Variants in GRK5 observed in about 807,000 individuals in gnomAD.
GRK5 encodes the protein g protein-coupled receptor kinase GRK5.
Under a neutral mutation model 78.4 loss-of-function variants are expected in GRK5, and 40 were observed. That is an observed-to-expected ratio of 0.51 (90% CI 0.40 to 0.66). The LOEUF (loss-of-function observed/expected upper bound fraction) is 0.66, where lower values mean the gene tolerates loss of function less well. Ranked by LOEUF, GRK5 falls within the 30% of genes least tolerant of loss-of-function variation. The probability of loss-of-function intolerance (pLI) is 0.00; values close to 1 mark genes in which losing one functional copy is unlikely to be tolerated. For synonymous variants in GRK5, 289 were observed against 296.8 expected (o/e 0.97, Z 0.27); for missense variants, 598 against 759.9 (o/e 0.79, Z 2.50).
rs1267557237 is a variant in GRK5 at position 119,271,587 on chromosome 10, G to A, written c.53-54929G>A. ...TGAACCTGAAGACCTTGGATGGTCC[G>A]GAGCTCGTAAATGACTCACCCCATC... On this transcript the variant is annotated intron_variant, in intron 1 of 15. Transcript: ENST00000392870. The surrounding 1 kb of genome is among the most constrained non-coding windows in gnomAD (Gnocchi z 4.1). Among the ~76,000 whole-genome samples, 4 of 152,192 alleles carry A rather than the reference G, an allele frequency of 2.6e-5. No homozygotes were observed. The highest frequency in any genetic ancestry group is 1.9e-4 in the East Asian group (1 of 5,200).
At chr10:119,260,906 C>A (rs1316327540) in intron 1 of GRK5, among the ~76,000 whole-genome samples, 3 of 152,124 alleles carry the variant, frequency 2.0e-5, no homozygotes. Flanking sequence ...GGCCCGTTCT[C>A]AATGAGCTGT....
At chr10:119,418,101 A>G (rs574525899) in intron 4 of GRK5, among the ~76,000 whole-genome samples, 4 of 152,342 alleles carry the variant, frequency 2.6e-5, no homozygotes, top group African/African-American at 9.6e-5. Context: ...GCCCGCTGGA[A>G]TAGCAGGCAG....
At chr10:119,357,177 T>C (rs1418260028) in intron 2 of GRK5, among the ~76,000 whole-genome samples, 1 of 152,260 alleles carries the variant, frequency 6.6e-6, no homozygotes, top group Non-Finnish European at 1.5e-5. Context: ...TTTTTCTCAT[T>C]TTAATGACAG....
intron 1 of GRK5, among the ~76,000 whole-genome samples, chr10:119,211,105 A>G (rs1180453794): frequency 6.6e-6 from 1 of 152,226 alleles, no homozygotes; most frequent in East Asian, 1.9e-4. Flanking sequence ...AGGTAGAGGT[A>G]TGGGTTCAAG....
chr10:119,312,815 T>C (rs1850382778), intron 1 of GRK5, among the ~76,000 whole-genome samples: 1 of 152,174 alleles, frequency 6.6e-6, no homozygotes, highest in Non-Finnish European at 1.5e-5. Flanking sequence ...GGTAGAGACA[T>C]AGCTGAACTT....
At chr10:119,408,521 GGAAT>G (rs1304570984) in intron 4 of GRK5, among the ~76,000 whole-genome samples, 2 of 152,106 alleles carry the variant, frequency 1.3e-5, no homozygotes, top group Non-Finnish European at 2.9e-5. Context: ...ACCATATAAA[GGAAT>G]GAAGCGCTAA....
chr10:119,360,891 C>G (rs1165869789), intron 2 of GRK5, among the ~76,000 whole-genome samples: 2 of 152,178 alleles, frequency 1.3e-5, no homozygotes, highest in African/African-American at 2.4e-5. Flanking sequence ...AGCCTGTGGC[C>G]GCTGCTTCTC....
intron 1 of GRK5, among the ~76,000 whole-genome samples, chr10:119,246,395 T>C (rs9804195): frequency 0.77 from 116,781 of 151,986 alleles, 47,130 homozygotes; most frequent in Non-Finnish European, 0.9. Flanking sequence ...GAGTTTTCAG[T>C]TGGAGGGTGG....
Position 119,430,331 on chromosome 10 carries a change from G to A in GRK5, c.534-44G>A. 6.4e-7 allele frequency: 1 copy of A among 1,560,856 alleles called. No individual in the cohort carries two copies. The highest frequency in any genetic ancestry group is 8.8e-7 in the Non-Finnish European group (1 of 1,132,126). On this transcript the variant is annotated intron_variant, in intron 6 of 15. Transcript: ENST00000392870. The surrounding 1 kb of genome is among the most constrained non-coding windows in gnomAD (Gnocchi z 4.5). ...TGCCACTGTTTCCTGTGGATTCTGA[G>A]TCTTGGCACCATGAGACCAGTGTGG... is the stretch of plus-strand genomic sequence containing the variant.
chr10:119,227,987 A>G (rs767464654), intron 1 of GRK5, among the ~76,000 whole-genome samples: 6 of 152,160 alleles, frequency 3.9e-5, no homozygotes, highest in Non-Finnish European at 8.8e-5. Context: ...TAGCGTACCA[A>G]TGACGTGCAG....
chr10:119,222,741 A>C (rs2133711881), intron 1 of GRK5, among the ~76,000 whole-genome samples: 1 of 152,276 alleles, frequency 6.6e-6, no homozygotes, highest in South Asian at 2.1e-4. Flanking sequence ...AGCTAGCTCT[A>C]CATGGGGAAG....
chr10:119,332,411 ATTGTAATTT>A (rs1850797423), intron 2 of GRK5, among the ~76,000 whole-genome samples: 1 of 152,176 alleles, frequency 6.6e-6, no homozygotes, highest in African/African-American at 2.4e-5. Context: ...CCGGCCAGCT[ATTGTAATTT>A]TGAACTTGTC....
chr10:119,262,405 C>T (rs571434256), intron 1 of GRK5, among the ~76,000 whole-genome samples: 1 of 131,212 alleles, frequency 7.6e-6, no homozygotes, highest in Admixed American at 9.3e-5. Flanking sequence ...GTGGCGTGAT[C>T]TCGGCTCAGC....
rs1381344815 is a variant in GRK5, at chr10:119,427,467, TCAC to T, written c.533+2388_533+2390del. ...ATCAGCATCACCGCCATCATCAGCA[TCAC>T]CACCATCATCAGCATCACCGCCATC... On this transcript the variant is annotated intron_variant, in intron 6 of 15. Coordinates refer to ENST00000392870, the MANE Select transcript of GRK5 (RefSeq NM_005308.3). 1.9e-4 allele frequency among the ~76,000 whole-genome samples: 29 copies of T among 151,006 alleles called. 1 individual carries two copies. The highest frequency in any genetic ancestry group is 2.2e-4 in the Non-Finnish European group (15 of 67,858).
At chr10:119,444,075 G>A (rs1326620612) in intron 12 of GRK5, among the ~76,000 whole-genome samples, 1 of 152,140 alleles carries the variant, frequency 6.6e-6, no homozygotes, top group Non-Finnish European at 1.5e-5. Flanking sequence ...GGTCTGAGCT[G>A]GTGCCCCAGA....
intron 2 of GRK5, among the ~76,000 whole-genome samples, chr10:119,356,128 G>T (rs773239915): frequency 1.1e-4 from 17 of 152,156 alleles, no homozygotes; most frequent in Non-Finnish European, 2.5e-4. Flanking sequence ...AACAACAATG[G>T]TATTACAACC....
chr10:119,238,679 A>G lies in GRK5; in HGVS notation c.52+30710A>G, dbSNP rs1402071392. Among the ~76,000 whole-genome samples, 6 of 152,222 alleles carry G rather than the reference A, an allele frequency of 3.9e-5. No homozygotes were observed. Among genetic ancestry groups the G allele is most frequent in the Admixed American group, 3.9e-4 (6 of 15,282 alleles). ...AAAGAGAATATCACTTTTACTTAAA[A>G]GTGAACTGCACGGGGGTTGACTCTT... is the stretch of plus-strand genomic sequence containing the variant. On this transcript the variant is annotated intron_variant, in intron 1 of 15. Transcript: ENST00000392870. This position sits in a 1 kb window ranked among gnomAD's most constrained non-coding sequence, Gnocchi z 4.7.
chr10:119,424,951 C>G, intron 5 of GRK5, 42 bp from the exon 6 acceptor site: 1 of 1,380,332 alleles, frequency 7.2e-7, no homozygotes, highest in Non-Finnish European at 1.0e-6. Context: ...GCTTGAAGAT[C>G]GGGATTATAA....
chr10:119,329,340 T>C (rs1169412554), intron 2 of GRK5, among the ~76,000 whole-genome samples: 1 of 152,172 alleles, frequency 6.6e-6, no homozygotes, highest in African/African-American at 2.4e-5. Context: ...ACCCTGGACA[T>C]TATGTATAAA....
Sources: gnomAD v4.1 joint callset for allele counts (sites outside exome capture counted in the v4.1 genomes callset) on GRCh38, gnomAD v4.1.1 for gene constraint, Gnocchi (gnomAD v3.1) non-coding constraint, MANE v1.5 for transcripts, NCBI Gene and HGNC (gene_info 2026-07-23, HGNC 2026-07-21) for gene names.